SHPK: variants seen among roughly 807,000 people sequenced by gnomAD.
SHPK encodes sedoheptulokinase.
Under a neutral mutation model 46.3 loss-of-function variants are expected in SHPK, and 51 were observed. That is an observed-to-expected ratio of 1.10 (90% CI 0.88 to 1.39). The LOEUF is 1.39. Among genes scored for constraint, SHPK ranks in the 40% most tolerant of loss-of-function variants. The pLI, the probability that SHPK is intolerant of heterozygous loss-of-function variation, is 0.00. For synonymous variants in SHPK, 290 were observed against 273.9 expected (o/e 1.06, Z -0.58); for missense variants, 668 against 641.3 (o/e 1.04, Z -0.45).
chr17:3,616,076 A>C (rs973552276), intron 5 of SHPK, among the ~76,000 whole-genome samples: 1 of 151,640 alleles, frequency 6.6e-6, no homozygotes, highest in Non-Finnish European at 1.5e-5. Flanking sequence ...ATGGTCTCGA[A>C]CTCCTGACCT....
At chr17:3,631,623 A>G (rs1286812199) in intron 1 of SHPK, among the ~76,000 whole-genome samples, 2 of 134,790 alleles carry the variant, frequency 1.5e-5, no homozygotes, top group African/African-American at 5.5e-5. Flanking sequence ...CCCAGGTTCA[A>G]GTGATTCTCC....
At chr17:3,633,618 G>A (rs1310856375) in intron 1 of SHPK, among the ~76,000 whole-genome samples, 2 of 152,098 alleles carry the variant, frequency 1.3e-5, no homozygotes, top group Non-Finnish European at 2.9e-5. Context: ...TTAAATAGGT[G>A]TGACACACTG....
Position 3,610,545 on chromosome 17 carries a change from G to GAAA in SHPK, c.*12_*14dup. On this transcript the variant is annotated 3_prime_UTR_variant, in exon 7 of 7. Transcript: ENST00000225519. ...GTAAAATTCACAGCAGTCGTTTGGCGAAAGAGTTTGCTGTCTAAGATTCCT... is the reference window on the plus strand; with the variant it reads ...GTAAAATTCACAGCAGTCGTTTGGCGAAAAAAGAGTTTGCTGTCTAAGATTCCT... 6.3e-7 allele frequency: 1 copy of GAAA among 1,582,332 alleles called. No homozygotes were observed. Among genetic ancestry groups the GAAA allele is most frequent in the Non-Finnish European group, 8.6e-7 (1 of 1,159,362 alleles).
intron 6 of SHPK, among the ~76,000 whole-genome samples, chr17:3,613,042 G>A (rs998636811): frequency 3.3e-5 from 5 of 152,172 alleles, no homozygotes; most frequent in South Asian, 4.2e-4. Flanking sequence ...GAGCCACCAC[G>A]CCCAGCCAGG....
Position 3,608,792 on chromosome 17 carries a change from A to C in SHPK, c.*1768T>G, listed in dbSNP as rs545286762. 6.6e-6 allele frequency: 1 copy of C among 152,316 alleles called. No homozygotes were observed. Among genetic ancestry groups the C allele is most frequent in the South Asian group, 2.1e-4 (1 of 4,824 alleles). 9.4% of individuals were successfully genotyped at this position (152,316 alleles called of 1,614,324 possible). On this transcript the variant is annotated 3_prime_UTR_variant, in exon 7 of 7. Transcript: ENST00000225519. ...ATGATCTACGAATTCTCCCCAGAGCACTTCAACCTCCCAAACCAAGCTCTG... is the reference window on the plus strand; with the variant it reads ...ATGATCTACGAATTCTCCCCAGAGCCCTTCAACCTCCCAAACCAAGCTCTG...
chr17:3,621,755 C>G (rs2075404953), intron 4 of SHPK, among the ~76,000 whole-genome samples: 1 of 151,844 alleles, frequency 6.6e-6, no homozygotes, highest in Non-Finnish European at 1.5e-5. Flanking sequence ...CAGGTTCAAG[C>G]AATTCTCCTG....
chr17:3,620,623 G>A (rs1034106225), intron 5 of SHPK, among the ~76,000 whole-genome samples: 2 of 150,546 alleles, frequency 1.3e-5, no homozygotes, highest in Non-Finnish European at 3.0e-5. Context: ...GTGCAGTGAT[G>A]TGATCTCAGC....
chr17:3,619,575 A>C, intron 5 of SHPK: 5 of 444,196 alleles, frequency 1.1e-5, no homozygotes, highest in South Asian at 1.0e-4. Flanking sequence ...TCTACTAAAA[A>C]TGCAAACATT....
intron 5 of SHPK, among the ~76,000 whole-genome samples, chr17:3,615,818 G>A (rs2075368556): frequency 6.6e-6 from 1 of 151,720 alleles, no homozygotes; most frequent in Non-Finnish European, 1.5e-5. Context: ...TAGTTAGAAG[G>A]GCAAGGTGTT....
chr17:3,626,161 C>T (rs1041438447), intron 2 of SHPK, among the ~76,000 whole-genome samples: 1 of 152,274 alleles, frequency 6.6e-6, no homozygotes, highest in East Asian at 1.9e-4. Context: ...CATATGGGAT[C>T]TGATCTTTTG....
At chr17:3,611,581 C>A (rs1431160880) in intron 6 of SHPK, among the ~76,000 whole-genome samples, 1 of 151,980 alleles carries the variant, frequency 6.6e-6, no homozygotes, top group African/African-American at 2.4e-5. Flanking sequence ...AACAAACAAA[C>A]AAACAAAACT....
At chr17:3,634,581 A>AC (rs1159454706) in intron 1 of SHPK, among the ~76,000 whole-genome samples, 2 of 150,788 alleles carry the variant, frequency 1.3e-5, no homozygotes, top group East Asian at 3.9e-4. Context: ...CAAAAAAAAA[A>AC]AAAAAAAAAA....
rs148203817 is a variant in SHPK, at chr17:3,625,468, C to T, written c.311-1237G>A. 8.5e-5 allele frequency among the ~76,000 whole-genome samples: 13 copies of T among 152,316 alleles called. No homozygotes were observed. The East Asian group carries it at 2.5e-3, about 29-fold the overall frequency. ...AGAAGTGCGACTACGCCGAGGCCGC[C>T]ATGCTGAGGAGACCACGGGCAAAGA... is the stretch of plus-strand genomic sequence containing the variant. On this transcript the variant is annotated intron_variant, in intron 2 of 6. Transcript: ENST00000225519.
chr17:3,626,015 T>A (rs1007042726), intron 2 of SHPK, among the ~76,000 whole-genome samples: 6 of 152,072 alleles, frequency 3.9e-5, no homozygotes, highest in Non-Finnish European at 8.8e-5. Context: ...ATCGCACCAC[T>A]GCACTCCAGC....
chr17:3,623,990 G>A (rs1409577182), intron 3 of SHPK, 58 bp downstream of exon 3: 28 of 1,505,120 alleles, frequency 1.9e-5, no homozygotes, highest in South Asian at 4.9e-5. Context: ...ACGCAGCCCC[G>A]GCCTATTCTC....
Position 3,629,234 on chromosome 17 carries a change from A to G in SHPK, c.310+971T>C, listed in dbSNP as rs140001351. On this transcript the variant is annotated intron_variant, in intron 2 of 6. Coordinates refer to ENST00000225519, the MANE Select transcript of SHPK (RefSeq NM_013276.4). ...CACAATGGGGACAACAGTGTAATCT[A>G]TGTCACCAGGTTGTTGGGAATATCC... Among the ~76,000 whole-genome samples, 1,164 of 152,182 alleles carry G rather than the reference A, an allele frequency of 7.6e-3. 9 individuals carry two copies. Among genetic ancestry groups the G allele is most frequent in the Non-Finnish European group, 0.012 (807 of 68,004 alleles).
chr17:3,630,346 C>A lies in SHPK; in HGVS notation c.169G>T (p.Gly57Trp). Residue 57 changes from glycine to tryptophan, a missense_variant and splice_region_variant, in exon 2 of 7, where the codon GGG (glycine) becomes TGG (tryptophan). By Grantham distance (184) the Gly-to-Trp change is radical. Transcript: ENST00000225519. ...AVESAVAGPQ[G>W]REQDVSRILQ... ...ATTCTACTCACATCCTGCTCCCGCCCCTGGAAGCAAAAGAGAACACATGGG... is the reference window on the plus strand; with the variant it reads ...ATTCTACTCACATCCTGCTCCCGCCACTGGAAGCAAAAGAGAACACATGGG... 1 of 1,606,750 alleles carries A rather than the reference C, an allele frequency of 6.2e-7. No individual in the cohort carries two copies. The highest frequency in any genetic ancestry group is 8.5e-7 in the Non-Finnish European group (1 of 1,175,658).
chr17:3,630,073 G>A (rs887083474), intron 2 of SHPK, 132 bp downstream of exon 2: 23 of 1,149,976 alleles, frequency 2.0e-5, no homozygotes, highest in Admixed American at 8.9e-5. Flanking sequence ...GCACGTATTC[G>A]TCCACTCCAA....
intron 1 of SHPK, among the ~76,000 whole-genome samples, chr17:3,632,601 T>C (rs2075479496): frequency 6.6e-6 from 1 of 152,150 alleles, no homozygotes; most frequent in Non-Finnish European, 1.5e-5. Context: ...CGGGTGTGAT[T>C]GGGGAGTAGC....
Sources: allele counts gnomAD v4.1 joint callset (sites outside exome capture counted in the v4.1 genomes callset), GRCh38; gene constraint gnomAD v4.1.1; transcripts MANE v1.5; gene names NCBI Gene and HGNC (gene_info 2026-07-23, HGNC 2026-07-21).